The following DCAF6 variants were observed in gnomAD, a reference collection of about 807,000 sequenced individuals.
DCAF6 encodes DDB1 and CUL4 associated factor 6, also known as DDB1- and CUL4-associated factor 6.
Under a neutral mutation model 125.1 loss-of-function variants are expected in DCAF6, and 54 were observed. The ratio of observed to expected loss-of-function variants is 0.43; its 90% CI spans 0.35 to 0.54. The LOEUF (loss-of-function observed/expected upper bound fraction) is 0.54, where lower values mean the gene tolerates loss of function less well. DCAF6 is among the 20% of genes least tolerant of loss of function. DCAF6 has a pLI of 0.01. For synonymous variants in DCAF6, 371 were observed against 390.4 expected, an observed-to-expected ratio of 0.95 and a Z score of 0.58; for missense variants, 934 against 1,161.7, an observed-to-expected ratio of 0.80 and a Z score of 2.85.
At position 168,050,933 on chromosome 1, in the gene DCAF6, GGT is replaced by G. The variant is rs1689835879; in HGVS notation, c.2300+1_2300+2del. On this transcript the variant is annotated splice_donor_variant, in intron 17 of 21. Transcript: ENST00000367840. LOFTEE classifies it high-confidence loss of function. ...ACAACAATAGGTGATAGAATAATGAGGTAATTCAGTATGTTCCTTCATAATTT... is the reference window on the plus strand; with the variant it reads ...ACAACAATAGGTGATAGAATAATGAGAATTCAGTATGTTCCTTCATAATTT... The G allele has an allele frequency of 1.4e-6, 2 of 1,381,364 alleles. No homozygotes were observed. The highest frequency in any genetic ancestry group is 5.1e-5 in the Admixed American group (2 of 39,170). The allele number at this position is 1,381,364 out of a possible 1,614,324, so 85.6% of individuals were successfully genotyped here.
upstream of DCAF6, chr1:167,935,970 T>G: frequency 1.3e-5 from 9 of 692,822 alleles, no homozygotes; most frequent in East Asian, 2.8e-5. Flanking sequence ...TGGAGTACCC[T>G]TCCCGCGGCT....
At chr1:167,920,129 T>TGC in the DCAF6 span, 1 of 1,278,134 alleles carries the variant, frequency 7.8e-7, no homozygotes, top group Non-Finnish European at 1.1e-6. Flanking sequence ...GAATACATAC[T>TGC]GCTTCAATAA....
chr1:168,035,741 T>C (rs750389346), intron 12 of DCAF6, among the ~76,000 whole-genome samples: 7 of 152,162 alleles, frequency 4.6e-5, no homozygotes, highest in African/African-American at 1.2e-4. Flanking sequence ...TTTTGTAATA[T>C]GTAGATTATA....
At chr1:167,893,695 CAAAAAAAA>C in the DCAF6 span, among the ~76,000 whole-genome samples, 9 of 70,194 alleles carry the variant, frequency 1.3e-4, no homozygotes, top group South Asian at 5.4e-3. Context: ...GACTCTGTCT[CAAAAAAAA>C]AAAAAAAAAA....
At chr1:168,073,930 A>G (rs1355500222) in intron 21 of DCAF6, among the ~76,000 whole-genome samples, 1 of 149,498 alleles carries the variant, frequency 6.7e-6, no homozygotes, top group African/African-American at 2.4e-5. Flanking sequence ...GGTCTATTCA[A>G]ATCTTATTTT....
At chr1:168,015,313 T>C (rs1442067400) in intron 10 of DCAF6, among the ~76,000 whole-genome samples, 1 of 152,210 alleles carries the variant, frequency 6.6e-6, no homozygotes, top group African/African-American at 2.4e-5. Context: ...TTAGAGCTCT[T>C]CTCAATAAAT....
chr1:168,065,017 TA>T (rs1692148106), intron 18 of DCAF6, among the ~76,000 whole-genome samples: 1 of 152,226 alleles, frequency 6.6e-6, no homozygotes, highest in African/African-American at 2.4e-5. Context: ...CAATTTCTTT[TA>T]TCTGTGAATT....
chr1:168,073,967 G>T (rs61809575), intron 21 of DCAF6, among the ~76,000 whole-genome samples: 1 of 142,818 alleles, frequency 7.0e-6, no homozygotes, highest in East Asian at 2.1e-4. Flanking sequence ...AATATGTATT[G>T]AATACATATT....
chr1:167,949,039 G>A (rs915086586), intron 1 of DCAF6, among the ~76,000 whole-genome samples: 2 of 152,186 alleles, frequency 1.3e-5, no homozygotes, highest in Admixed American at 6.5e-5. Context: ...TTCAGCAAAC[G>A]TATATTGAAT....
Position 168,055,331 on chromosome 1 carries a change from GTTTTTTTTTTT to G in DCAF6, c.2300+4417_2300+4427del, listed in dbSNP as rs554861802. 6.3e-4 allele frequency among the ~76,000 whole-genome samples: 20 copies of G among 31,626 alleles called. 4 individuals are homozygous for G. Among genetic ancestry groups the G allele is most frequent in the Admixed American group, 2.9e-3 (6 of 2,048 alleles). 20.7% of individuals were successfully genotyped at this position (31,626 alleles called of 152,430 possible). A position where few individuals can be genotyped will look rare whatever the true frequency, so the allele number is the denominator to read the frequency against. On this transcript the variant is annotated intron_variant, in intron 17 of 21. Transcript: ENST00000367840. ...TTGAATTGAAAAAAATCAGGCTTAA[GTTTTTTTTTTT>G]TTTTTTTTTTTTTTTTTTAACGAAG...
At chr1:167,981,962 G>C (rs1679231461) in intron 4 of DCAF6, among the ~76,000 whole-genome samples, 1 of 152,188 alleles carries the variant, frequency 6.6e-6, no homozygotes, top group Admixed American at 6.5e-5. Context: ...GTTTTCCATA[G>C]TGGCTGAACG....
rs769414931 is a variant in DCAF6, at chr1:168,060,845, C to T, written c.2301-2776C>T. Among the ~76,000 whole-genome samples, 14 of 152,202 alleles carry T rather than the reference C, an allele frequency of 9.2e-5. 1 individual carries two copies. The East Asian group carries it at 1.2e-3, about 13-fold the overall frequency. ...CAGAGGTTGCAGTGAGCTGAGACCC[C>T]GCCACTGCACTCCAGCCTAGGTGAT... On this transcript the variant is annotated intron_variant, in intron 17 of 21. Transcript: ENST00000367840.
chr1:167,920,768 T>C, the DCAF6 span: 1 of 872,392 alleles, frequency 1.1e-6, no homozygotes, highest in Admixed American at 3.3e-5. Flanking sequence ...ATTAAGAAAA[T>C]GTAGATTACA....
intron 3 of DCAF6, among the ~76,000 whole-genome samples, chr1:167,967,140 T>G (rs1676536755): frequency 6.6e-6 from 1 of 152,146 alleles, no homozygotes; most frequent in Non-Finnish European, 1.5e-5. Flanking sequence ...GCTGCCAACT[T>G]TGGTCATTGT....
chr1:167,933,169 G>GT (rs112730724), upstream of DCAF6, among the ~76,000 whole-genome samples: 4,460 of 139,198 alleles, frequency 0.032, 123 homozygotes, highest in African/African-American at 0.077. Context: ...AAACACATTA[G>GT]TTTTTTTTTT....
chr1:167,963,427 TTTTG>T (rs1378032128), intron 2 of DCAF6, among the ~76,000 whole-genome samples: 3 of 135,758 alleles, frequency 2.2e-5, no homozygotes, highest in African/African-American at 8.4e-5. Flanking sequence ...TTTGTGTTTT[TTTTG>T]TTTCTGTTTT....
intron 4 of DCAF6, among the ~76,000 whole-genome samples, chr1:167,983,851 G>A (rs954047637): frequency 6.6e-6 from 1 of 152,152 alleles, no homozygotes; most frequent in Non-Finnish European, 1.5e-5. Flanking sequence ...TTAGGATGGG[G>A]TTGAATATGG....
At chr1:168,030,213 C>T (rs1359224131) in intron 12 of DCAF6, among the ~76,000 whole-genome samples, 1 of 152,132 alleles carries the variant, frequency 6.6e-6, no homozygotes, top group Non-Finnish European at 1.5e-5. Flanking sequence ...CCTTCATTCC[C>T]TCCAGTTGAG....
At chr1:167,897,496 CAA>C in the DCAF6 span, among the ~76,000 whole-genome samples, 1 of 135,866 alleles carries the variant, frequency 7.4e-6, no homozygotes, top group Non-Finnish European at 1.6e-5. Context: ...GATTCCATCT[CAA>C]AAAAAAATAT....
Sources: allele counts gnomAD v4.1 joint callset (sites outside exome capture counted in the v4.1 genomes callset), GRCh38; gene constraint gnomAD v4.1.1; transcripts MANE v1.5; gene names NCBI Gene and HGNC (gene_info 2026-07-23, HGNC 2026-07-21).